Variants in MELTF observed in about 807,000 individuals in gnomAD.
The protein encoded by MELTF is melanotransferrin, also known as antigen p97 (melanoma associated) identified by monoclonal antibodies 133.2 and 96.5.
A neutral mutation model predicts 83.7 loss-of-function variants in MELTF; 67 were observed. The ratio of observed to expected loss-of-function variants is 0.80; its 90% CI spans 0.66 to 0.98. MELTF has a LOEUF of 0.98. MELTF is among the 50% of genes least tolerant of loss of function. The pLI is 0.00. For synonymous variants in MELTF, 462 were observed against 447.6 expected (o/e 1.03, Z -0.41); for missense variants, 1,002 against 1,035.6 (o/e 0.97, Z 0.44).
At position 197,006,649 on chromosome 3, in the gene MELTF, T is replaced by G; in HGVS notation, c.1838A>C (p.Gln613Pro). 1.2e-6 allele frequency: 2 copies of G among 1,609,800 alleles called. No individual in the cohort carries two copies. Among genetic ancestry groups the G allele is most frequent in the Non-Finnish European group, 1.7e-6 (2 of 1,177,850 alleles). ...CPNGARAEVS[Q>P]FAACNLAQIP... ...CTGTGCCAGGTTGCAGGCTGCAAAC[T>G]GGGACACCTCGGCTCGGGCCCCGTT... The change falls in exon 14 of 16, where the codon CAG becomes CCG. Residue 613 changes from glutamine to proline, a missense_variant. Physicochemically the swap from Gln to Pro is moderately conservative, Grantham distance 76 (BLOSUM62 -1). Coordinates refer to ENST00000296350, the MANE Select transcript of MELTF (RefSeq NM_005929.6). The surrounding 1 kb of genome is among the most constrained non-coding windows in gnomAD (Gnocchi z 5.4).
chr3:197,018,119 T>C (rs558013099), intron 6 of MELTF, among the ~76,000 whole-genome samples: 1 of 152,306 alleles, frequency 6.6e-6, no homozygotes, highest in Non-Finnish European at 1.5e-5. Context: ...AGTCCTTTTT[T>C]CTATTTTATT....
At chr3:197,012,262 C>T (rs1005867513) in intron 9 of MELTF, among the ~76,000 whole-genome samples, 1 of 152,218 alleles carries the variant, frequency 6.6e-6, no homozygotes. Flanking sequence ...GAGGCTCATA[C>T]AGCACATCCC....
In MELTF at chr3:197,002,241, G is replaced by A. The variant is rs1718760939; in HGVS notation, c.*1131C>T. On this transcript the variant is annotated 3_prime_UTR_variant, in exon 16 of 16. Coordinates refer to ENST00000296350, the MANE Select transcript of MELTF (RefSeq NM_005929.6). Reference sequence around the variant, plus strand: ...CAGCATCCCCGAGCCCCCGCAGACCGGAATGCAAATGGCTCCGCGCCCACG... The same window carrying A: ...CAGCATCCCCGAGCCCCCGCAGACCAGAATGCAAATGGCTCCGCGCCCACG... 6.6e-6 allele frequency: 1 copy of A among 152,214 alleles called. No homozygotes were observed. The highest frequency in any genetic ancestry group is 1.9e-4 in the East Asian group (1 of 5,176). The allele number at this position is 152,214 out of a possible 1,614,324, so 9.4% of individuals were successfully genotyped here.
Position 197,026,677 on chromosome 3 carries a change from C to T in MELTF, c.287G>A (p.Gly96Asp). The T allele has an allele frequency of 6.2e-7, 1 of 1,613,332 alleles. No individual in the cohort carries two copies. Residue 96 changes from glycine (G) to aspartate (D), a missense_variant, in exon 3 of 16, where the codon GGC becomes GAC. Gly to Asp is a moderately conservative substitution (Grantham distance 94). Coordinates refer to ENST00000296350, the MANE Select transcript of MELTF (RefSeq NM_005929.6). The part of the protein sequence containing the change: ...GKEHGLKPVV[G>D]EVYDQEVGTS... Reference sequence around the variant, plus strand: ...CCTCTTACCTTGATCGTACACTTCGCCCACCACCGGCTTCAGGCCGTGCTC... The same window carrying T: ...CCTCTTACCTTGATCGTACACTTCGTCCACCACCGGCTTCAGGCCGTGCTC...
chr3:197,025,295 C>T (rs1719808319), intron 3 of MELTF, among the ~76,000 whole-genome samples: 1 of 152,232 alleles, frequency 6.6e-6, no homozygotes, highest in East Asian at 1.9e-4. Context: ...GCCAGTGTTA[C>T]TTCTTGCACA....
Position 197,006,503 on chromosome 3 carries a change from AC to A in MELTF, c.1938+45del. The A allele has an allele frequency of 6.4e-7, 1 of 1,566,258 alleles. No homozygotes were observed. The highest frequency in any genetic ancestry group is 1.2e-5 in the South Asian group (1 of 85,466). On this transcript the variant is annotated intron_variant, in intron 14 of 15. Coordinates refer to ENST00000296350, the MANE Select transcript of MELTF (RefSeq NM_005929.6). This position sits in a 1 kb window ranked among gnomAD's most constrained non-coding sequence, Gnocchi z 5.4. ...CTGAGGCCTCCCAGGGGCTCAGCTTACCTCTGCTGCACACCCCTCAATGAGG... is the reference window on the plus strand; with the variant it reads ...CTGAGGCCTCCCAGGGGCTCAGCTTACTCTGCTGCACACCCCTCAATGAGG...
Position 197,008,974 on chromosome 3 carries a change from G to C in MELTF, c.1526-9C>G, listed in dbSNP as rs754459417. ...GAAGAACTCGCTCACTGCTGGGGTG[G>C]AGGGAAGGGCAATGATGAGGGGCCA... On this transcript the variant is annotated splice_polypyrimidine_tract_variant and intron_variant, in intron 11 of 15. Transcript: ENST00000296350. This position sits in a 1 kb window ranked among gnomAD's most constrained non-coding sequence, Gnocchi z 5.4. 1 of 1,613,860 alleles carries C rather than the reference G, an allele frequency of 6.2e-7. No individual in the cohort carries two copies. Among genetic ancestry groups the C allele is most frequent in the South Asian group, 1.1e-5 (1 of 91,078 alleles).
Position 197,024,329 on chromosome 3 carries a change from G to A in MELTF, c.461C>T (p.Ser154Leu), listed in dbSNP as rs1371298589. ...TTTGAGTACATCGCAGCCCATCACC[G>A]AGAGGCGGCCGCTCTCCACCAGGTA... ...VGYLVESGRL[S>L]VMGCDVLKAV... Residue 154 changes from serine (S) to leucine (L), a missense_variant, in exon 4 of 16, where the codon TCG (serine) becomes TTG (leucine). Transcript: ENST00000296350. This position sits in a 1 kb window ranked among gnomAD's most constrained non-coding sequence, Gnocchi z 5.3. 5.7e-6 allele frequency: 9 copies of A among 1,585,710 alleles called. No individual in the cohort carries two copies. The highest frequency in any genetic ancestry group is 3.4e-5 in the South Asian group (3 of 89,164).
Position 197,008,510 on chromosome 3 carries a change from C to T in MELTF, c.1750+147G>A, listed in dbSNP as rs1719056848. The T allele has an allele frequency of 1.2e-6, 1 of 843,342 alleles. No homozygotes were observed. The highest frequency in any genetic ancestry group is 1.8e-5 in the South Asian group (1 of 57,082). 52.2% of individuals were successfully genotyped at this position (843,342 alleles called of 1,614,324 possible). A position where few individuals can be genotyped will look rare whatever the true frequency, so the allele number is the denominator to read the frequency against. On this transcript the variant is annotated intron_variant, in intron 13 of 15. Coordinates refer to ENST00000296350, the MANE Select transcript of MELTF (RefSeq NM_005929.6). The surrounding 1 kb of genome is among the most constrained non-coding windows in gnomAD (Gnocchi z 5.4). ...TGTTCTTACCCTGTGACCCTTGGGGCTCCCAGCTTCCCAGGGGGCACAGCC... is the reference window on the plus strand; with the variant it reads ...TGTTCTTACCCTGTGACCCTTGGGGTTCCCAGCTTCCCAGGGGGCACAGCC...
rs951840019 is a variant in MELTF at position 197,011,779 on chromosome 3, T to C, written c.1234-985A>G. ...AATGGGTGTTACAGCCACACTGGAC[T>C]CCTCTCTGAGAACCTCAGAAGCTAG... On this transcript the variant is annotated intron_variant, in intron 9 of 15. Coordinates refer to ENST00000296350, the MANE Select transcript of MELTF (RefSeq NM_005929.6). The surrounding 1 kb of genome is among the most constrained non-coding windows in gnomAD (Gnocchi z 4.2). Among the ~76,000 whole-genome samples, 1 of 152,094 alleles carries C rather than the reference T, an allele frequency of 6.6e-6. No individual in the cohort carries two copies. Among genetic ancestry groups the C allele is most frequent in the African/African-American group, 2.4e-5 (1 of 41,426 alleles).
rs768150503 is a variant in MELTF at position 197,008,819 on chromosome 3, C to T, written c.1672G>A (p.Gly558Ser). The T allele has an allele frequency of 3.6e-5, 58 of 1,614,018 alleles. No individual in the cohort carries two copies. Among genetic ancestry groups the T allele is most frequent in the East Asian group, 4.5e-5 (2 of 44,902 alleles). The change falls in exon 12 of 16, where the codon GGC (glycine) becomes AGC (serine). Residue 558 changes from glycine to serine, a missense_variant. Gly to Ser is a moderately conservative substitution (Grantham distance 56). Transcript: ENST00000296350. The surrounding 1 kb of genome is among the most constrained non-coding windows in gnomAD (Gnocchi z 5.4). ...NSQERYYGYR[G>S]AFRCLVENAG... ...AGGCCACCCGGGTACCTGAAGGCGC[C>T]GCGGTAGCCGTAATACCGCTCCTGG...
chr3:197,012,348 C>T (rs1310689388), intron 9 of MELTF, among the ~76,000 whole-genome samples: 1 of 152,232 alleles, frequency 6.6e-6, no homozygotes, highest in Non-Finnish European at 1.5e-5. Context: ...GGCTGATGGT[C>T]ACAGCCACCG....
In MELTF at chr3:197,022,925, C is replaced by T; in HGVS notation, c.644+32G>A. 4 of 1,578,730 alleles carry T rather than the reference C, an allele frequency of 2.5e-6. No homozygotes were observed. The highest frequency in any genetic ancestry group is 3.4e-6 in the Non-Finnish European group (4 of 1,163,456). ...ATTTGTGGCCTCAGCTCCTCCCTGC[C>T]CTCGGCCCCTCCCTGCCCCCACTCC... On this transcript the variant is annotated intron_variant, in intron 5 of 15. Transcript: ENST00000296350. This position sits in a 1 kb window ranked among gnomAD's most constrained non-coding sequence, Gnocchi z 5.1.
intron 4 of MELTF, among the ~76,000 whole-genome samples, chr3:197,023,399 G>A (rs1164131938): frequency 2.6e-5 from 4 of 152,240 alleles, no homozygotes; most frequent in African/African-American, 9.6e-5. Flanking sequence ...GTATCAGCCA[G>A]ATGCTCTTCT....
intron 14 of MELTF, among the ~76,000 whole-genome samples, chr3:197,005,958 T>C (rs751578958): frequency 1.3e-5 from 2 of 150,522 alleles, no homozygotes; most frequent in Admixed American, 6.6e-5. Context: ...CAGTGGCTCA[T>C]GCCTGTAATC....
In MELTF at chr3:197,002,060, T is replaced by C. The variant is rs1443300119; in HGVS notation, c.*1312A>G. ...TTGGTGGCCGAGGCCCAGGTCCTTG[T>C]GGCCCCTCCCGGTGGGGTGAAGGTG... On this transcript the variant is annotated 3_prime_UTR_variant, in exon 16 of 16. Coordinates refer to ENST00000296350, the MANE Select transcript of MELTF (RefSeq NM_005929.6). 1 of 152,262 alleles carries C rather than the reference T, an allele frequency of 6.6e-6. No individual in the cohort carries two copies. The highest frequency in any genetic ancestry group is 1.9e-4 in the East Asian group (1 of 5,162). The allele number at this position is 152,262 out of a possible 1,614,324, so 9.4% of individuals were successfully genotyped here.
At position 197,009,796 on chromosome 3, in the gene MELTF, G is replaced by A. The variant is rs771283945; in HGVS notation, c.1347C>T (p.Asn449=). 5.0e-6 allele frequency: 8 copies of A among 1,611,004 alleles called. No homozygotes were observed. In the Admixed American group the frequency reaches 6.7e-5, roughly 13 times the overall value. ...GEHYAPEDSS[N]SYYVVAVVRR... is the part of the protein sequence containing the mutation. ...TCACCACGGCCACCACGTAGTACGA[G>A]TTGCTGCTGTCTTCCGCTGGGGAGA... The change falls in exon 11 of 16, where the codon AAC becomes AAT. Residue 449 remains asparagine, a synonymous_variant. Transcript: ENST00000296350.
At position 197,029,678 on chromosome 3, in the gene MELTF, A is replaced by T; in HGVS notation, c.25T>A (p.Trp9Arg). 6 of 1,246,958 alleles carry T rather than the reference A, an allele frequency of 4.8e-6. No homozygotes were observed. The highest frequency in any genetic ancestry group is 3.7e-5 in the South Asian group (1 of 26,674). 77.2% of individuals were successfully genotyped at this position (1,246,958 alleles called of 1,614,324 possible). A position where few individuals can be genotyped will look rare whatever the true frequency, so the allele number is the denominator to read the frequency against. MRGPSGAL[W>R]LLLALRTVLG... Reference sequence around the variant, plus strand: ...CCGGTGCGCAGAGCCAGGAGCAGCCACAGAGCCCCGCTCGGACCCCGCATG... The same window carrying T: ...CCGGTGCGCAGAGCCAGGAGCAGCCTCAGAGCCCCGCTCGGACCCCGCATG... Residue 9 changes from tryptophan to arginine, a missense_variant, in exon 1 of 16, where the codon TGG becomes AGG. By Grantham distance (101) the Trp-to-Arg change is moderately radical. Transcript: ENST00000296350. The surrounding 1 kb of genome is among the most constrained non-coding windows in gnomAD (Gnocchi z 6.5).
In MELTF at chr3:197,008,664, G is replaced by T; in HGVS notation, c.1743C>A (p.Asn581Lys). Residue 581 changes from asparagine to lysine, a missense_variant, in exon 13 of 16, where the codon AAC becomes AAA. Asn to Lys is a moderately conservative substitution (Grantham distance 94, BLOSUM62 0). Transcript: ENST00000296350. This position sits in a 1 kb window ranked among gnomAD's most constrained non-coding sequence, Gnocchi z 5.4. ...GCTCTTGCCCCCACCTACCGTTTGTGTTGTCAAAGACGGTTGTGTGCCTGA... is the reference window on the plus strand; with the variant it reads ...GCTCTTGCCCCCACCTACCGTTTGTTTTGTCAAAGACGGTTGTGTGCCTGA... Reference protein sequence around the residue: ...AFVRHTTVFDNTNGHNSEPWA... With the variant: ...AFVRHTTVFDKTNGHNSEPWA... The T allele has an allele frequency of 6.2e-7, 1 of 1,613,962 alleles. No individual in the cohort carries two copies. Among genetic ancestry groups the T allele is most frequent in the African/African-American group, 1.3e-5 (1 of 75,008 alleles).
Sources: gnomAD v4.1 joint callset for allele counts (sites outside exome capture counted in the v4.1 genomes callset) on GRCh38, gnomAD v4.1.1 for gene constraint, Gnocchi (gnomAD v3.1) non-coding constraint, MANE v1.5 for transcripts, NCBI Gene and HGNC (gene_info 2026-07-23, HGNC 2026-07-21) for gene names.